FBN2: variants seen among roughly 807,000 people sequenced by gnomAD.
The protein encoded by FBN2 is fibrillin 2.
In FBN2, 105 loss-of-function variants were observed where a neutral mutation model predicts 355.6. The ratio of observed to expected loss-of-function variants is 0.30; its 90% CI spans 0.25 to 0.35. FBN2 has a LOEUF of 0.35. Ranked by LOEUF, FBN2 falls within the 10% of genes least tolerant of loss-of-function variation. FBN2 has a pLI of 1.00. For synonymous variants in FBN2, 1,350 were observed against 1,301.2 expected, an observed-to-expected ratio of 1.04 and a Z score of -0.81; for missense variants, 3,280 against 3,758.7, an observed-to-expected ratio of 0.87 and a Z score of 3.33.
At position 128,289,892 on chromosome 5, in the gene FBN2, A is replaced by T. The variant is rs879015381; in HGVS notation, c.6501T>A (p.Asp2167Glu). The change falls in exon 51 of 65, where the codon GAT becomes GAA. Residue 2167 changes from aspartate to glutamate, a missense_variant. Physicochemically the swap from Asp to Glu is conservative, Grantham distance 45 (BLOSUM62 2). Transcript: ENST00000262464. ...TATATCAAAGCGTACCTTCACGTGTATCATGAAGACTAGGGACAGTTCCAT... is the reference window on the plus strand; with the variant it reads ...TATATCAAAGCGTACCTTCACGTGTTTCATGAAGACTAGGGACAGTTCCAT... ...YGHGTVPSLH[D>E]TREDVNECLE... 1.3e-6 allele frequency: 2 copies of T among 1,580,108 alleles called. No homozygotes were observed. The highest frequency in any genetic ancestry group is 1.1e-5 in the South Asian group (1 of 90,270).
intron 18 of FBN2, 116 bp from the exon 19 acceptor site, chr5:128,361,964 T>C: frequency 9.5e-7 from 1 of 1,049,846 alleles, no homozygotes; most frequent in Non-Finnish European, 1.5e-6. Context: ...TGTGACATAG[T>C]CTCTGTATCA....
chr5:128,384,155 A>C (rs1752308885), intron 11 of FBN2, among the ~76,000 whole-genome samples: 1 of 152,162 alleles, frequency 6.6e-6, no homozygotes, highest in Admixed American at 6.6e-5. Flanking sequence ...ATCACAGAAT[A>C]ATTATGCTGA....
chr5:128,334,783 C>T lies in FBN2; in HGVS notation c.4035G>A (p.Lys1345=), dbSNP rs772465221. ...ICMFGECENT[K]GSFICHCQLG... ...GCTGACAGTGGCAAATGAAGGATCC[C>T]TTTGTGTTCTCACATTCCCCAAACA... The change falls in exon 31 of 65, where the codon AAG becomes AAA. Residue 1345 remains lysine (K), a synonymous_variant. Transcript: ENST00000262464. 2.2e-5 allele frequency: 35 copies of T among 1,613,298 alleles called. No homozygotes were observed. In the South Asian group the frequency reaches 3.8e-4, roughly 18 times the overall value.
intron 5 of FBN2, among the ~76,000 whole-genome samples, chr5:128,492,940 G>A (rs1755551993): frequency 6.6e-6 from 1 of 151,462 alleles, no homozygotes. Context: ...AATGCTCAGT[G>A]CAAAACCATA....
rs115147988 is a variant in FBN2, at chr5:128,269,378, G to T, written c.7960+2621C>A. On this transcript the variant is annotated intron_variant, in intron 62 of 64. Transcript: ENST00000262464. ...AGCTACTAGGGAGGAGGTGGAAGTT[G>T]CAGGGAGGAGGTGGAAGTTGCAGCG... 9.7e-3 allele frequency among the ~76,000 whole-genome samples: 1,468 copies of T among 151,058 alleles called. 18 individuals are homozygous for T. Among genetic ancestry groups the T allele is most frequent in the African/African-American group, 0.034 (1,395 of 41,292 alleles).
At chr5:128,438,504 T>G (rs890150537) in intron 7 of FBN2, among the ~76,000 whole-genome samples, 1 of 152,226 alleles carries the variant, frequency 6.6e-6, no homozygotes, top group African/African-American at 2.4e-5. Flanking sequence ...CTTTTATTGA[T>G]TTATAAAAGT....
At chr5:128,443,629 G>A (rs963489942) in intron 7 of FBN2, among the ~76,000 whole-genome samples, 1 of 152,096 alleles carries the variant, frequency 6.6e-6, no homozygotes, top group Non-Finnish European at 1.5e-5. Context: ...TAATTACTCA[G>A]ACCCAAAATA....
chr5:128,424,019 G>A (rs1753421021), intron 7 of FBN2, among the ~76,000 whole-genome samples: 1 of 152,160 alleles, frequency 6.6e-6, no homozygotes, highest in South Asian at 2.1e-4. Context: ...GCCAATCACT[G>A]TCATGATGAA....
intron 6 of FBN2, among the ~76,000 whole-genome samples, chr5:128,462,336 G>T (rs749742999): frequency 4.6e-5 from 7 of 151,374 alleles, no homozygotes; most frequent in Non-Finnish European, 1.0e-4. Context: ...AAACTAATTT[G>T]GCATAAGTAT....
At chr5:128,508,254 T>C (rs1756016487) in intron 5 of FBN2, among the ~76,000 whole-genome samples, 1 of 152,012 alleles carries the variant, frequency 6.6e-6, no homozygotes, top group Non-Finnish European at 1.5e-5. Flanking sequence ...TTGAGACCAT[T>C]TACATTTATT....
intron 5 of FBN2, among the ~76,000 whole-genome samples, chr5:128,504,321 G>C (rs1331623036): frequency 6.6e-6 from 1 of 152,136 alleles, no homozygotes; most frequent in East Asian, 1.9e-4. Context: ...TGTGAGAAGA[G>C]GGCCACCATC....
At chr5:128,452,168 C>A (rs909604586) in intron 6 of FBN2, among the ~76,000 whole-genome samples, 4 of 152,130 alleles carry the variant, frequency 2.6e-5, no homozygotes, top group African/African-American at 9.7e-5. Context: ...TCAAACTATG[C>A]AAGAATTTCT....
intron 36 of FBN2, among the ~76,000 whole-genome samples, chr5:128,313,541 T>C (rs1345111798): frequency 6.6e-6 from 1 of 152,186 alleles, no homozygotes; most frequent in Non-Finnish European, 1.5e-5. Context: ...ACTTTTTTTT[T>C]CAGTTGCACA....
At position 128,466,260 on chromosome 5, in the gene FBN2, G is replaced by C. The variant is rs374730554; in HGVS notation, c.629-1339C>G. Reference sequence around the variant, plus strand: ...GTTTTTCCTTACACACAGGGATTATGTCAATACAGTTTATTAATTCTTGGG... The same window carrying C: ...GTTTTTCCTTACACACAGGGATTATCTCAATACAGTTTATTAATTCTTGGG... On this transcript the variant is annotated intron_variant, in intron 5 of 64. Coordinates refer to ENST00000262464, the MANE Select transcript of FBN2 (RefSeq NM_001999.4). Among the ~76,000 whole-genome samples, 43 of 152,232 alleles carry C rather than the reference G, an allele frequency of 2.8e-4. No homozygotes were observed. In the South Asian group the frequency reaches 8.7e-3, roughly 31 times the overall value.
chr5:128,272,274 T>G (rs1765287102), intron 61 of FBN2, among the ~76,000 whole-genome samples, 156 bp from the exon 62 acceptor site: 1 of 151,988 alleles, frequency 6.6e-6, no homozygotes, highest in African/African-American at 2.4e-5. Flanking sequence ...GGTCACATGG[T>G]TATTAGTCAG....
intron 20 of FBN2, among the ~76,000 whole-genome samples, chr5:128,356,099 AT>A (rs942238622): frequency 9.9e-5 from 15 of 152,110 alleles, no homozygotes; most frequent in African/African-American, 3.1e-4. Flanking sequence ...TAGCAAAAAT[AT>A]TTCTGCTTTA....
chr5:128,449,374 T>C (rs576916849), intron 6 of FBN2, among the ~76,000 whole-genome samples: 47 of 86,742 alleles, frequency 5.4e-4, no homozygotes, highest in African/African-American at 3.0e-3. Flanking sequence ...CTGTATAATT[T>C]ATAGTATACT....
intron 7 of FBN2, among the ~76,000 whole-genome samples, chr5:128,411,785 G>C (rs771995678): frequency 2.0e-5 from 3 of 152,124 alleles, no homozygotes; most frequent in Non-Finnish European, 4.4e-5. Flanking sequence ...CCCCCACCCC[G>C]TCTTCGACCT....
At chr5:128,481,487 T>C (rs1755187051) in intron 5 of FBN2, among the ~76,000 whole-genome samples, 1 of 152,210 alleles carries the variant, frequency 6.6e-6, no homozygotes, top group South Asian at 2.1e-4. Context: ...AGTTTGTCAG[T>C]ATGTGAACTT....
Sources: gnomAD v4.1 joint callset for allele counts (sites outside exome capture counted in the v4.1 genomes callset) on GRCh38, gnomAD v4.1.1 for gene constraint, MANE v1.5 for transcripts, NCBI Gene and HGNC (gene_info 2026-07-23, HGNC 2026-07-21) for gene names.